Variants in MYLK observed in about 807,000 individuals in gnomAD.
MYLK encodes myosin light chain kinase, smooth muscle.
Under a neutral mutation model 203.4 loss-of-function variants are expected in MYLK, and 106 were observed. The ratio of observed to expected loss-of-function variants is 0.52; its 90% CI spans 0.45 to 0.61. The LOEUF (loss-of-function observed/expected upper bound fraction) is 0.61. MYLK is among the 20% of genes least tolerant of loss of function. The pLI, the probability that MYLK is intolerant of heterozygous loss-of-function variation, is 0.00. For synonymous variants in MYLK, 867 were observed against 959.5 expected, an observed-to-expected ratio of 0.90 and a Z score of 1.78; for missense variants, 2,072 against 2,442.3, an observed-to-expected ratio of 0.85 and a Z score of 3.20.
chr3:123,747,813 T>G (rs2108857157), intron 5 of MYLK, among the ~76,000 whole-genome samples: 1 of 152,352 alleles, frequency 6.6e-6, no homozygotes, highest in Non-Finnish European at 1.5e-5. Flanking sequence ...GCTTATGTCC[T>G]TAAAGTTAAC....
chr3:123,720,040 C>A (rs1379788573), intron 13 of MYLK, among the ~76,000 whole-genome samples: 1 of 152,236 alleles, frequency 6.6e-6, no homozygotes, highest in African/African-American at 2.4e-5. Flanking sequence ...CGTGCGGCTG[C>A]GTCTTCAGCC....
In MYLK at chr3:123,700,322, G is replaced by C. The variant is rs1361879091; in HGVS notation, c.3146C>G (p.Pro1049Arg). 2 of 1,613,644 alleles carry C rather than the reference G, an allele frequency of 1.2e-6. No individual in the cohort carries two copies. The highest frequency in any genetic ancestry group is 1.7e-6 in the Non-Finnish European group (2 of 1,179,932). ...CTCATCAGGCTTGGCATTGCCCATG[G>C]GCTTCAGGGTCTCGGCAGGCTTGGC... ...GNAKPAETLK[P>R]MGNAKPDENL... The change falls in exon 18 of 34, where the codon CCC (proline) becomes CGC (arginine). Residue 1049 changes from proline (P) to arginine (R), a missense_variant. Around this residue, in one of 3 missense-constraint regions of MYLK, gnomAD observed 865 missense variants for 1,016.0 expected, o/e 0.85. Transcript: ENST00000360304.
chr3:123,655,380 A>G (rs774831345), intron 24 of MYLK, among the ~76,000 whole-genome samples: 2 of 151,974 alleles, frequency 1.3e-5, no homozygotes, highest in Non-Finnish European at 2.9e-5. Context: ...GTTGGTATTG[A>G]CTTTCTCTAC....
chr3:123,694,559 G>A (rs1309030544), intron 18 of MYLK, among the ~76,000 whole-genome samples: 1 of 152,150 alleles, frequency 6.6e-6, no homozygotes, highest in Non-Finnish European at 1.5e-5. Flanking sequence ...GTCAGGGTGG[G>A]GCTAAGGCTT....
chr3:123,778,064 C>T (rs2064143193), intron 4 of MYLK, among the ~76,000 whole-genome samples: 1 of 152,146 alleles, frequency 6.6e-6, no homozygotes, highest in Non-Finnish European at 1.5e-5. Context: ...TCTGACTCCA[C>T]ACCTCTACTC....
Position 123,646,674 on chromosome 3 carries a change from T to C in MYLK, c.4619+550A>G, listed in dbSNP as rs190360133. ...ATCCCCCTGCCTTTGTACAACCCCA[T>C]AGGGAAAGCACCACTCTTTAGTGAG... On this transcript the variant is annotated intron_variant, in intron 27 of 33. Transcript: ENST00000360304. 3.0e-3 allele frequency among the ~76,000 whole-genome samples: 451 copies of C among 152,272 alleles called. 2 individuals are homozygous for C. Among genetic ancestry groups the C allele is most frequent in the African/African-American group, 8.7e-3 (363 of 41,564 alleles).
intron 16 of MYLK, among the ~76,000 whole-genome samples, chr3:123,706,239 A>G (rs2061456531): frequency 6.6e-6 from 1 of 152,214 alleles, no homozygotes; most frequent in African/African-American, 2.4e-5. Context: ...TATTTTTAAT[A>G]GTTATTAAGT....
chr3:123,614,588 G>A (rs1321717061), intron 33 of MYLK, among the ~76,000 whole-genome samples: 1 of 152,024 alleles, frequency 6.6e-6, no homozygotes, highest in East Asian at 1.9e-4. Context: ...ACACATGTTG[G>A]ACTAGCACCA....
chr3:123,714,170 T>C (rs1052190189), intron 13 of MYLK, among the ~76,000 whole-genome samples: 1 of 152,134 alleles, frequency 6.6e-6, no homozygotes, highest in African/African-American at 2.4e-5. Flanking sequence ...ATTGGGCAGA[T>C]TGTGTCTGTT....
intron 3 of MYLK, among the ~76,000 whole-genome samples, chr3:123,799,199 C>A (rs2065105021): frequency 6.6e-6 from 1 of 151,912 alleles, no homozygotes. Context: ...CACCCCTCAC[C>A]CCCTGATGCT....
intron 33 of MYLK, among the ~76,000 whole-genome samples, chr3:123,615,696 A>G (rs937555074): frequency 6.7e-6 from 1 of 149,496 alleles, no homozygotes; most frequent in African/African-American, 2.5e-5. Flanking sequence ...TTGCCTAGGC[A>G]GGAGTGCAGC....
At chr3:123,655,013 C>T (rs367913872) in intron 24 of MYLK, among the ~76,000 whole-genome samples, 3 of 152,264 alleles carry the variant, frequency 2.0e-5, no homozygotes. Flanking sequence ...CCACCACGCC[C>T]GGCCTCTTAT....
intron 19 of MYLK, among the ~76,000 whole-genome samples, chr3:123,686,710 T>C (rs1440075702): frequency 6.6e-6 from 1 of 152,144 alleles, no homozygotes; most frequent in African/African-American, 2.4e-5. Flanking sequence ...CGAAATAACA[T>C]CACCTCAATA....
chr3:123,683,547 C>A (rs2060343415), intron 19 of MYLK, among the ~76,000 whole-genome samples: 1 of 152,184 alleles, frequency 6.6e-6, no homozygotes, highest in South Asian at 2.1e-4. Flanking sequence ...GGCCCCTCGC[C>A]TTCTCCAGAA....
intron 16 of MYLK, among the ~76,000 whole-genome samples, chr3:123,705,046 A>G (rs1179764728): frequency 1.3e-5 from 2 of 152,238 alleles, no homozygotes; most frequent in Non-Finnish European, 2.9e-5. Flanking sequence ...AGAGCTAGGA[A>G]GGGAAGAGAG....
chr3:123,672,721 A>G (rs2108384897), intron 20 of MYLK, among the ~76,000 whole-genome samples: 1 of 152,388 alleles, frequency 6.6e-6, no homozygotes, highest in South Asian at 2.1e-4. Flanking sequence ...TGGAGCTACC[A>G]TTGTTTGAAT....
Position 123,735,395 on chromosome 3 carries a change from T to C in MYLK, c.773+3A>G. 6.2e-7 allele frequency: 1 copy of C among 1,614,088 alleles called. No individual in the cohort carries two copies. The highest frequency in any genetic ancestry group is 8.5e-7 in the Non-Finnish European group (1 of 1,179,986). ...ACGTAAAAGTCACAAAGCCTAGACA[T>C]ACCTATTGGCACTGTCCAAACCTGG... On this transcript the variant is annotated splice_donor_region_variant and intron_variant, in intron 9 of 33. Transcript: ENST00000360304.
intron 4 of MYLK, among the ~76,000 whole-genome samples, chr3:123,784,148 T>C (rs1301270903): frequency 3.3e-5 from 5 of 152,130 alleles, no homozygotes; most frequent in Non-Finnish European, 7.4e-5. Context: ...CTTGGAATGG[T>C]GGGGACTATA....
At chr3:123,624,828 T>G (rs542892316) in intron 31 of MYLK, 10 of 152,350 alleles carry the variant, frequency 6.6e-5, no homozygotes, top group African/African-American at 2.4e-4. Context: ...ACAGCTGATA[T>G]GTGCTCAGGA....
Sources: allele counts gnomAD v4.1 joint callset (sites outside exome capture counted in the v4.1 genomes callset), GRCh38; gene constraint gnomAD v4.1.1; regional missense constraint gnomAD v4.1.1; transcripts MANE v1.5; gene names NCBI Gene and HGNC (gene_info 2026-07-23, HGNC 2026-07-21).